The following PCDHGA7 variants were observed in gnomAD, a reference collection of about 807,000 sequenced individuals.
The protein encoded by PCDHGA7 is protocadherin gamma-A7.
In PCDHGA7, 44 loss-of-function variants were observed where a neutral mutation model predicts 58.3. The observed-to-expected ratio is 0.75, with a 90% CI of 0.59 to 0.97. The LOEUF is 0.97. Among genes scored for constraint, PCDHGA7 ranks in the 50% least tolerant of loss-of-function variants. PCDHGA7 has a pLI of 0.00. For synonymous variants in PCDHGA7, 516 were observed against 504.2 expected (o/e 1.02, Z -0.31); for missense variants, 1,266 against 1,188.7 (o/e 1.06, Z -0.96).
At chr5:141,438,585 TAC>T (rs1561889967) in intron 1 of PCDHGA7, among the ~76,000 whole-genome samples, 141 of 61,160 alleles carry the variant, frequency 2.3e-3, no homozygotes, top group South Asian at 4.3e-3. Flanking sequence ...CATACATACA[TAC>T]ATACATATAT....
intron 1 of PCDHGA7, chr5:141,409,205 A>C (rs766592481): frequency 1.2e-6 from 2 of 1,614,068 alleles, no homozygotes; most frequent in Non-Finnish European, 1.7e-6. Flanking sequence ...TAAAGTAATC[A>C]TAGAAATCCT....
intron 1 of PCDHGA7, among the ~76,000 whole-genome samples, chr5:141,451,387 T>C (rs1039738460): frequency 6.6e-6 from 1 of 152,116 alleles, no homozygotes; most frequent in African/African-American, 2.4e-5. Flanking sequence ...TCTCACATAG[T>C]TAATGGCAAA....
intron 1 of PCDHGA7, chr5:141,414,274 G>C: frequency 1.9e-6 from 3 of 1,613,368 alleles, no homozygotes; most frequent in Non-Finnish European, 2.5e-6. Flanking sequence ...TTCACCTCTG[G>C]GAACAGTCGT....
intron 1 of PCDHGA7, chr5:141,430,977 A>G (rs761722055): frequency 1.2e-5 from 20 of 1,613,408 alleles, no homozygotes; most frequent in Middle Eastern, 1.7e-4. Flanking sequence ...GGTAGGACGC[A>G]GCTTTTCGCC....
intron 1 of PCDHGA7, chr5:141,439,852 G>A (rs182049678): frequency 1.3e-5 from 2 of 152,474 alleles, no homozygotes; most frequent in African/African-American, 4.8e-5. Context: ...CTGTGGAAAA[G>A]GTGGGGAATG....
chr5:141,408,144 G>T (rs868032463), intron 1 of PCDHGA7: 1 of 1,496,068 alleles, frequency 6.7e-7, no homozygotes, highest in South Asian at 1.3e-5. Context: ...CTTTTAGCGC[G>T]GTAGAGTGCA....
At chr5:141,415,467 C>T (rs754252558) in intron 1 of PCDHGA7, 2 of 1,614,080 alleles carry the variant, frequency 1.2e-6, no homozygotes, top group African/African-American at 1.3e-5. Context: ...TCTCTCTCAC[C>T]GCGGACTCGC....
chr5:141,436,902 G>A (rs2097852984), intron 1 of PCDHGA7, among the ~76,000 whole-genome samples: 1 of 152,210 alleles, frequency 6.6e-6, no homozygotes, highest in Admixed American at 6.5e-5. Flanking sequence ...TTTTATATGA[G>A]ACAATTTTGT....
chr5:141,393,634 A>G (rs1589198700), intron 1 of PCDHGA7: 3 of 1,613,848 alleles, frequency 1.9e-6, no homozygotes, highest in African/African-American at 2.7e-5. Flanking sequence ...GAGGGAATCA[A>G]CGGAAAAGTG....
At chr5:141,429,523 A>G (rs1009016050) in intron 1 of PCDHGA7, among the ~76,000 whole-genome samples, 1 of 152,174 alleles carries the variant, frequency 6.6e-6, no homozygotes, top group Non-Finnish European at 1.5e-5. Context: ...CAGAGAAAAA[A>G]GCTTAAAAAA....
At position 141,477,811 on chromosome 5, in the gene PCDHGA7, C is replaced by A. The variant is rs1211574518; in HGVS notation, c.2425-16996C>A. 1 of 1,614,046 alleles carries A rather than the reference C, an allele frequency of 6.2e-7. No individual in the cohort carries two copies. Among genetic ancestry groups the A allele is most frequent in the Non-Finnish European group, 8.5e-7 (1 of 1,180,034 alleles). On this transcript the variant is annotated intron_variant, in intron 1 of 3. Transcript: ENST00000518325. This position sits in a 1 kb window ranked among gnomAD's most constrained non-coding sequence, Gnocchi z 4.9. ...TCACTGATCGCAATGACAATGCCCC[C>A]CAGGTCCTATATCCTCGGCCAGGTG...
chr5:141,429,387 TAA>T (rs11410533), intron 1 of PCDHGA7, among the ~76,000 whole-genome samples: 155 of 151,446 alleles, frequency 1.0e-3, no homozygotes, highest in African/African-American at 3.5e-3. Flanking sequence ...GTTTTTTTTT[TAA>T]AAAAAATTGA....
intron 1 of PCDHGA7, among the ~76,000 whole-genome samples, chr5:141,492,167 C>T (rs565536989): frequency 6.6e-6 from 1 of 152,344 alleles, no homozygotes; most frequent in East Asian, 1.9e-4. Context: ...CCTATCCCCG[C>T]ATCACCCAAC....
chr5:141,445,564 G>A (rs564704836), intron 1 of PCDHGA7, among the ~76,000 whole-genome samples: 20 of 152,306 alleles, frequency 1.3e-4, no homozygotes, highest in Admixed American at 1.2e-3. Context: ...CTAAGAGAAA[G>A]CTTATAGTAG....
intron 1 of PCDHGA7, chr5:141,398,760 C>T: frequency 6.2e-7 from 1 of 1,613,898 alleles, no homozygotes; most frequent in Non-Finnish European, 8.5e-7. Flanking sequence ...ATCGTTTAGT[C>T]CTGACTGCCT....
Position 141,477,797 on chromosome 5 carries a change from A to G in PCDHGA7, c.2425-17010A>G. ...CGTGAACATATTTGTCACTGATCGC[A>G]ATGACAATGCCCCCCAGGTCCTATA... On this transcript the variant is annotated intron_variant, in intron 1 of 3. Coordinates refer to ENST00000518325, the MANE Select transcript of PCDHGA7 (RefSeq NM_018920.4). This position sits in a 1 kb window ranked among gnomAD's most constrained non-coding sequence, Gnocchi z 4.9. 1.2e-6 allele frequency: 2 copies of G among 1,614,082 alleles called. No individual in the cohort carries two copies. Among genetic ancestry groups the G allele is most frequent in the Non-Finnish European group, 1.7e-6 (2 of 1,180,032 alleles).
At chr5:141,478,050 C>G (rs2099429383) in intron 1 of PCDHGA7, 2 of 1,614,184 alleles carry the variant, frequency 1.2e-6, no homozygotes, top group South Asian at 2.2e-5. Context: ...CAGACTCTCA[C>G]GGTCTTGATC....
chr5:141,408,643 C>G (rs751905674), intron 1 of PCDHGA7: 2 of 1,613,910 alleles, frequency 1.2e-6, no homozygotes, highest in Admixed American at 1.7e-5. Context: ...AATCTGCATC[C>G]GCTGGTACAC....
intron 1 of PCDHGA7, among the ~76,000 whole-genome samples, chr5:141,475,380 T>A (rs2099362720): frequency 6.6e-6 from 1 of 152,244 alleles, no homozygotes; most frequent in South Asian, 2.1e-4. Flanking sequence ...TACTTTTAAA[T>A]TTTATAAGCC....
Sources: allele counts gnomAD v4.1 joint callset (sites outside exome capture counted in the v4.1 genomes callset), GRCh38; gene constraint gnomAD v4.1.1; non-coding constraint Gnocchi (gnomAD v3.1); transcripts MANE v1.5; gene names NCBI Gene and HGNC (gene_info 2026-07-23, HGNC 2026-07-21).